ZYG11B: variants seen among roughly 807,000 people sequenced by gnomAD.
ZYG11B encodes the protein zyg-11 family member B, cell cycle regulator.
ZYG11B carries 36 observed loss-of-function variants against 82.4 expected under a neutral mutation model. That is an observed-to-expected ratio of 0.44 (90% CI 0.33 to 0.58). The LOEUF (loss-of-function observed/expected upper bound fraction) is 0.58. ZYG11B is among the 20% of genes least tolerant of loss of function. The pLI is 0.02. For synonymous variants in ZYG11B, 303 were observed against 312.8 expected, an observed-to-expected ratio of 0.97 and a Z score of 0.33; for missense variants, 552 against 895.6, an observed-to-expected ratio of 0.62 and a Z score of 4.90.
intron 1 of ZYG11B, among the ~76,000 whole-genome samples, chr1:52,733,060 A>G (rs1644347494): frequency 6.6e-6 from 1 of 152,236 alleles, no homozygotes; most frequent in South Asian, 2.1e-4. Context: ...ATACAAAGAC[A>G]GAATTATTTC....
intron 10 of ZYG11B, among the ~76,000 whole-genome samples, chr1:52,808,168 G>T (rs1211266762): frequency 6.6e-6 from 1 of 152,114 alleles, no homozygotes; most frequent in Non-Finnish European, 1.5e-5. Context: ...TTCGAGACCA[G>T]CCTGGCCAAC....
intron 10 of ZYG11B, among the ~76,000 whole-genome samples, chr1:52,809,356 C>T (rs1315957596): frequency 6.6e-6 from 1 of 152,092 alleles, no homozygotes; most frequent in African/African-American, 2.4e-5. Flanking sequence ...GCCCTGGTAA[C>T]CACCATTCTA....
chr1:52,731,738 T>TTG (rs375988399), intron 1 of ZYG11B, among the ~76,000 whole-genome samples: 138 of 152,132 alleles, frequency 9.1e-4, no homozygotes, highest in African/African-American at 3.2e-3. Context: ...TAAAGTGATA[T>TTG]TGTGTGTGTG....
At chr1:52,788,115 A>G (rs769450114) in intron 5 of ZYG11B, among the ~76,000 whole-genome samples, 44 of 152,210 alleles carry the variant, frequency 2.9e-4, no homozygotes, top group Non-Finnish European at 5.0e-4. Context: ...ATGTGACTGG[A>G]GTGTAGGAAG....
At chr1:52,788,918 C>G (rs532223686) in intron 5 of ZYG11B, among the ~76,000 whole-genome samples, 1 of 152,058 alleles carries the variant, frequency 6.6e-6, no homozygotes, top group African/African-American at 2.4e-5. Flanking sequence ...TACAAATTAT[C>G]GTGTTTATTT....
intron 10 of ZYG11B, 59 bp from the exon 11 acceptor site, chr1:52,813,477 A>G (rs1419473866): frequency 7.4e-7 from 1 of 1,344,358 alleles, no homozygotes; most frequent in Non-Finnish European, 1.0e-6. Context: ...AAAAACAGTT[A>G]TCTTAACCAT....
chr1:52,814,816 A>G (rs1645210631), intron 12 of ZYG11B, among the ~76,000 whole-genome samples: 1 of 152,226 alleles, frequency 6.6e-6, no homozygotes, highest in African/African-American at 2.4e-5. Context: ...CATCGTATTA[A>G]TGTAGGAAGG....
intron 1 of ZYG11B, among the ~76,000 whole-genome samples, chr1:52,741,483 TA>T (rs1166419053): frequency 1.3e-5 from 2 of 152,148 alleles, no homozygotes; most frequent in Non-Finnish European, 2.9e-5. Context: ...GTTTCAAGGC[TA>T]GACTTGGGAC....
intron 6 of ZYG11B, among the ~76,000 whole-genome samples, chr1:52,792,712 C>T (rs1458310289): frequency 9.9e-5 from 15 of 152,072 alleles, no homozygotes; most frequent in Admixed American, 9.8e-4. Context: ...CAGAGAAAGT[C>T]AATTATATTA....
rs1439426418 is a variant in ZYG11B at position 52,823,007 on chromosome 1, T to G, written c.*1378T>G. The stretch of plus-strand genomic sequence containing the variant: ...TTAAAATGGAATATTAAAATTATAG[T>G]GATTATTCAGAAGCATTTTAATTTA... On this transcript the variant is annotated 3_prime_UTR_variant, in exon 14 of 14. Coordinates refer to ENST00000294353, the MANE Select transcript of ZYG11B (RefSeq NM_024646.3). 2 of 152,214 alleles carry G rather than the reference T, an allele frequency of 1.3e-5. No homozygotes were observed. The highest frequency in any genetic ancestry group is 6.5e-5 in the Admixed American group (1 of 15,278). The allele number at this position is 152,214 out of a possible 1,614,324, so 9.4% of individuals were successfully genotyped here. A position where few individuals can be genotyped will look rare whatever the true frequency, so the allele number is the denominator to read the frequency against.
At chr1:52,802,222 A>G (rs961782273) in intron 10 of ZYG11B, 83 bp downstream of exon 10, 5 of 1,371,368 alleles carry the variant, frequency 3.6e-6, no homozygotes, top group Non-Finnish European at 5.1e-6. Context: ...GCAGCTCTGC[A>G]GTGGCAGTAT....
At chr1:52,776,219 T>TA (rs1165031214) in intron 3 of ZYG11B, among the ~76,000 whole-genome samples, 14 of 42,500 alleles carry the variant, frequency 3.3e-4, no homozygotes, top group South Asian at 8.2e-4. Context: ...AACTCTGTCT[T>TA]AAAAAAAAAA....
chr1:52,764,905 C>T (rs1316565479), intron 2 of ZYG11B, among the ~76,000 whole-genome samples: 1 of 152,152 alleles, frequency 6.6e-6, no homozygotes, highest in Non-Finnish European at 1.5e-5. Context: ...AGTATTTCCC[C>T]AGTAAACTAG....
chr1:52,810,735 A>G (rs977620939), intron 10 of ZYG11B, among the ~76,000 whole-genome samples: 1 of 152,132 alleles, frequency 6.6e-6, no homozygotes, highest in African/African-American at 2.4e-5. Flanking sequence ...TCATTCCTCA[A>G]TTTAAAAACA....
intron 12 of ZYG11B, 47 bp downstream of exon 12, chr1:52,813,959 A>T (rs1488741165): frequency 6.3e-7 from 1 of 1,580,412 alleles, no homozygotes; most frequent in Admixed American, 1.7e-5. Flanking sequence ...TAGTCTAGAG[A>T]TCATTCCTAA....
chr1:52,730,366 G>A (rs931524481), intron 1 of ZYG11B, among the ~76,000 whole-genome samples: 18 of 152,038 alleles, frequency 1.2e-4, no homozygotes, highest in African/African-American at 3.9e-4. Flanking sequence ...TGGCTCTGCC[G>A]CCTAGACTGG....
intron 5 of ZYG11B, among the ~76,000 whole-genome samples, chr1:52,788,135 G>A (rs1342269769): frequency 6.6e-6 from 1 of 152,114 alleles, no homozygotes; most frequent in African/African-American, 2.4e-5. Flanking sequence ...GGGCAGTGTA[G>A]GATGAGGCCA....
intron 2 of ZYG11B, among the ~76,000 whole-genome samples, chr1:52,762,667 G>A (rs974974646): frequency 1.3e-5 from 2 of 151,764 alleles, no homozygotes; most frequent in Non-Finnish European, 2.9e-5. Context: ...TGCAGCCTCC[G>A]CCTCCCAGGT....
chr1:52,813,869 A>G lies in ZYG11B; in HGVS notation c.1903A>G (p.Ile635Val), dbSNP rs1645203200. The G allele has an allele frequency of 1.2e-6, 2 of 1,614,142 alleles. No homozygotes were observed. Among genetic ancestry groups the G allele is most frequent in the Non-Finnish European group, 1.7e-6 (2 of 1,180,018 alleles). The part of the protein sequence containing the change: ...NSLLDDLHSA[I>V]LKWPTPECEM... ...GTCTTTTGTCTTCCAGCATTCAGCT[A>G]TTTTGAAATGGCCAACTCCAGAGTG... is the stretch of plus-strand genomic sequence containing the variant. Residue 635 changes from isoleucine (I) to valine (V), a missense_variant, in exon 12 of 14, where the codon ATT becomes GTT. Physicochemically the swap from Ile to Val is conservative, Grantham distance 29 (BLOSUM62 3). Transcript: ENST00000294353.
Sources: allele counts gnomAD v4.1 joint callset (sites outside exome capture counted in the v4.1 genomes callset), GRCh38; gene constraint gnomAD v4.1.1; transcripts MANE v1.5; gene names NCBI Gene and HGNC (gene_info 2026-07-23, HGNC 2026-07-21).